Variants in EHMT1 observed in about 807,000 individuals in gnomAD.
EHMT1 encodes the protein euchromatic histone lysine methyltransferase 1.
Under a neutral mutation model 147.2 loss-of-function variants are expected in EHMT1, and 15 were observed. That is an observed-to-expected ratio of 0.10 (90% CI 0.07 to 0.16). The LOEUF is 0.16. Ranked by LOEUF, EHMT1 falls within the 10% of genes least tolerant of loss-of-function variation. The pLI, the probability that EHMT1 is intolerant of heterozygous loss-of-function variation, is 1.00. For missense variants in EHMT1, 1,587 were observed against 1,772.4 expected (o/e 0.90, Z 1.88); for synonymous variants, 795 against 709.6 (o/e 1.12, Z -1.91).
At chr9:137,672,092 T>A (rs964430410) in intron 1 of EHMT1, among the ~76,000 whole-genome samples, 2 of 152,236 alleles carry the variant, frequency 1.3e-5, no homozygotes, top group Non-Finnish European at 2.9e-5. Flanking sequence ...TCTCATTCTG[T>A]GCTGAGTGTC....
At chr9:137,680,355 C>G (rs2134520708) in intron 1 of EHMT1, among the ~76,000 whole-genome samples, 1 of 152,218 alleles carries the variant, frequency 6.6e-6, no homozygotes, top group African/African-American at 2.4e-5. Context: ...CGCTTGTGAT[C>G]CCAGCTACTT....
chr9:137,823,415 AT>A (rs34191568), intron 25 of EHMT1: 180,739 of 322,400 alleles, frequency 0.56, 35,823 homozygotes, highest in African/African-American at 0.79. Context: ...CGCCTGGGTA[AT>A]TTTTTTTTTT....
intron 1 of EHMT1, among the ~76,000 whole-genome samples, chr9:137,648,039 T>G (rs2133907793): frequency 6.6e-6 from 1 of 152,350 alleles, no homozygotes; most frequent in South Asian, 2.1e-4. Context: ...AGGAAGAGCT[T>G]TCTTTCCCCT....
chr9:137,713,635 G>A (rs1944943808), intron 2 of EHMT1, among the ~76,000 whole-genome samples: 1 of 150,874 alleles, frequency 6.6e-6, no homozygotes, highest in Non-Finnish European at 1.5e-5. Flanking sequence ...TTTTCATTTT[G>A]ATCATTGATA....
At chr9:137,712,599 C>A (rs915554262) in intron 2 of EHMT1, among the ~76,000 whole-genome samples, 1 of 152,156 alleles carries the variant, frequency 6.6e-6, no homozygotes, top group Non-Finnish European at 1.5e-5. Context: ...GGAGAAATAT[C>A]TCTTCTCCTG....
intron 2 of EHMT1, among the ~76,000 whole-genome samples, chr9:137,713,431 G>A (rs529837739): frequency 2.0e-5 from 3 of 151,386 alleles, no homozygotes; most frequent in Non-Finnish European, 2.9e-5. Context: ...CACCATGCCC[G>A]GCTAATTTTT....
intron 1 of EHMT1, among the ~76,000 whole-genome samples, chr9:137,654,377 C>G (rs1360291821): frequency 1.7e-5 from 2 of 115,506 alleles, no homozygotes; most frequent in Admixed American, 1.0e-4. Flanking sequence ...CCACCCCTTA[C>G]CACCTCCCCC....
chr9:137,776,591 A>G lies in EHMT1; in HGVS notation c.1792-27A>G, dbSNP rs1338015732. 1.2e-6 allele frequency: 2 copies of G among 1,612,930 alleles called. No homozygotes were observed. The highest frequency in any genetic ancestry group is 1.7e-6 in the Non-Finnish European group (2 of 1,179,402). On this transcript the variant is annotated intron_variant, in intron 11 of 26. Coordinates refer to ENST00000460843, the MANE Select transcript of EHMT1 (RefSeq NM_024757.5). This position sits in a 1 kb window ranked among gnomAD's most constrained non-coding sequence, Gnocchi z 4.4. ...AAATATTAACCCCAATTAAAACAAA[A>G]ATTTTTTTTTGTCCTCCCATTTTTA...
At chr9:137,703,475 A>T (rs1206480117) in intron 1 of EHMT1, among the ~76,000 whole-genome samples, 3 of 152,210 alleles carry the variant, frequency 2.0e-5, no homozygotes, top group Non-Finnish European at 2.9e-5. Context: ...GCCAGGCCAC[A>T]TCTTGACTGC....
chr9:137,692,766 G>A (rs976857904), intron 1 of EHMT1, among the ~76,000 whole-genome samples: 2 of 152,166 alleles, frequency 1.3e-5, no homozygotes, highest in Non-Finnish European at 2.9e-5. Context: ...GCCTGCTCCA[G>A]CCCTGGTGAA....
chr9:137,626,988 C>T lies in EHMT1; in HGVS notation c.21+7939C>T, dbSNP rs1038802747. Among the ~76,000 whole-genome samples, 7 of 151,768 alleles carry T rather than the reference C, an allele frequency of 4.6e-5. No individual in the cohort carries two copies. In the East Asian group the frequency reaches 5.8e-4, roughly 13 times the overall value. The stretch of plus-strand genomic sequence containing the variant: ...TTTGTTTTGTTTTGAGACGGAGTCT[C>T]GCTTTGTTGCCTAGGCTGGAGTGCA... On this transcript the variant is annotated intron_variant, in intron 1 of 26. Transcript: ENST00000460843.
chr9:137,797,307 T>C (rs1019524767), intron 16 of EHMT1, among the ~76,000 whole-genome samples: 5 of 151,988 alleles, frequency 3.3e-5, no homozygotes, highest in African/African-American at 1.2e-4. Context: ...TCCCACGGGG[T>C]TCCTTTGGCT....
chr9:137,692,544 A>G (rs1588198613), intron 1 of EHMT1, among the ~76,000 whole-genome samples: 4 of 151,844 alleles, frequency 2.6e-5, no homozygotes, highest in Admixed American at 2.6e-4. Flanking sequence ...GGTATTACAG[A>G]CGTGAGCCAC....
intron 4 of EHMT1, among the ~76,000 whole-genome samples, chr9:137,737,721 T>A (rs1426181423): frequency 6.6e-6 from 1 of 152,188 alleles, no homozygotes; most frequent in Non-Finnish European, 1.5e-5. Flanking sequence ...TTTCCCTGTT[T>A]CCCTGCTTCT....
intron 3 of EHMT1, among the ~76,000 whole-genome samples, chr9:137,723,745 GT>G (rs1946320540): frequency 6.6e-6 from 1 of 152,180 alleles, no homozygotes; most frequent in Admixed American, 6.5e-5. Context: ...TGAAAATTAC[GT>G]TTTAAAAAGT....
chr9:137,652,845 T>C lies in EHMT1; in HGVS notation c.21+33796T>C, dbSNP rs533979774. On this transcript the variant is annotated intron_variant, in intron 1 of 26. Transcript: ENST00000460843. Reference sequence around the variant, plus strand: ...GGTTCAAGCGATTTTCCTGCCTCAGTCTCCTGAGTAGCTGGGATTACAGAC... The same window carrying C: ...GGTTCAAGCGATTTTCCTGCCTCAGCCTCCTGAGTAGCTGGGATTACAGAC... Among the ~76,000 whole-genome samples, 21 of 151,092 alleles carry C rather than the reference T, an allele frequency of 1.4e-4. No individual in the cohort carries two copies. The East Asian group carries it at 3.7e-3, about 27-fold the overall frequency.
chr9:137,737,295 A>T (rs1316937395), intron 4 of EHMT1, among the ~76,000 whole-genome samples: 1 of 152,242 alleles, frequency 6.6e-6, no homozygotes, highest in Non-Finnish European at 1.5e-5. Context: ...GTGTTATTCC[A>T]GCATAAAGAC....
chr9:137,708,537 A>G (rs978584366), intron 1 of EHMT1, among the ~76,000 whole-genome samples: 1 of 152,224 alleles, frequency 6.6e-6, no homozygotes, highest in South Asian at 2.1e-4. Flanking sequence ...ACATTTTATT[A>G]TATGGTATCA....
At chr9:137,651,812 T>C (rs1228239038) in intron 1 of EHMT1, among the ~76,000 whole-genome samples, 3 of 151,786 alleles carry the variant, frequency 2.0e-5, no homozygotes, top group Non-Finnish European at 4.4e-5. Flanking sequence ...AAAAAAAAGA[T>C]TGTAGTGGAG....
Sources: allele counts gnomAD v4.1 joint callset (sites outside exome capture counted in the v4.1 genomes callset), GRCh38; gene constraint gnomAD v4.1.1; non-coding constraint Gnocchi (gnomAD v3.1); transcripts MANE v1.5; gene names NCBI Gene and HGNC (gene_info 2026-07-23, HGNC 2026-07-21).